The following EMSY variants were observed in gnomAD, a reference collection of about 807,000 sequenced individuals.
The protein encoded by EMSY is BRCA2-interacting transcriptional repressor EMSY.
A neutral mutation model predicts 134.6 loss-of-function variants in EMSY; 26 were observed. The observed-to-expected ratio is 0.19, with a 90% confidence interval of 0.14 to 0.27. The LOEUF (loss-of-function observed/expected upper bound fraction) is 0.27, where lower values mean the gene tolerates loss of function less well. Ranked by LOEUF, EMSY falls within the 10% of genes least tolerant of loss-of-function variation. The pLI, the probability that EMSY is intolerant of heterozygous loss-of-function variation, is 1.00. For synonymous variants in EMSY, 579 were observed against 577.8 expected (o/e 1.00, Z -0.03); for missense variants, 1,305 against 1,611.4 (o/e 0.81, Z 3.26).
chr11:76,535,852 C>G (rs1418388160), intron 14 of EMSY, 43 bp from the exon 16 acceptor site: 3 of 1,263,706 alleles, frequency 2.4e-6, no homozygotes, highest in Non-Finnish European at 3.1e-6. Context: ...TTAAGAGAAA[C>G]TTTGTTTATA....
At chr11:76,552,264 T>C (rs1025960572), downstream of EMSY, 2 of 152,292 alleles carry the variant, frequency 1.3e-5, no homozygotes, top group East Asian at 3.9e-4. Context: ...CCTATCCTTA[T>C]GAAGTTTATA....
chr11:76,515,205 TTG>T (rs1950407612), intron 10 of EMSY, among the ~76,000 whole-genome samples: 1 of 134,586 alleles, frequency 7.4e-6, no homozygotes, highest in East Asian at 2.8e-4. Flanking sequence ...AAGCATTTTT[TTG>T]GGGGGGGGGA....
intron 6 of EMSY, chr11:76,460,835 A>G (rs1948082675): frequency 6.6e-6 from 1 of 152,006 alleles, no homozygotes; most frequent in South Asian, 2.1e-4. Flanking sequence ...CAACAACAAC[A>G]AAAAGTTAGC....
At chr11:76,529,564 A>G (rs1950960633) in intron 14 of EMSY, among the ~76,000 whole-genome samples, 1 of 152,192 alleles carries the variant, frequency 6.6e-6, no homozygotes, top group Non-Finnish European at 1.5e-5. Context: ...ATCTAGATCT[A>G]GAATAGGGGA....
At chr11:76,545,967 C>G (rs772370219) in exon 20 of EMSY, 1 of 1,614,116 alleles carries the variant, frequency 6.2e-7, no homozygotes, top group Non-Finnish European at 8.5e-7. Flanking sequence ...CAGTGTCTGA[C>G]ATTTTGAAAA....
At chr11:76,533,104 T>A (rs1267412671) in intron 14 of EMSY, among the ~76,000 whole-genome samples, 1 of 152,184 alleles carries the variant, frequency 6.6e-6, no homozygotes, top group African/African-American at 2.4e-5. Flanking sequence ...TTGAGCTTTA[T>A]GACAGTGCTT....
intron 18 of EMSY, among the ~76,000 whole-genome samples, chr11:76,542,964 G>C (rs1474131961): frequency 6.6e-6 from 1 of 152,156 alleles, no homozygotes; most frequent in African/African-American, 2.4e-5. Context: ...TTGATTTTGT[G>C]TCGGATACTG....
chr11:76,454,614 G>A (rs1175489341), intron 4 of EMSY, 135 bp from the exon 5 acceptor site: 2 of 522,712 alleles, frequency 3.8e-6, no homozygotes, highest in Non-Finnish European at 6.6e-6. Flanking sequence ...GCATTCAGAG[G>A]CACTTAGAAA....
At chr11:76,527,926 G>A (rs983470659) in intron 13 of EMSY, among the ~76,000 whole-genome samples, 2 of 152,036 alleles carry the variant, frequency 1.3e-5, no homozygotes, top group Admixed American at 6.6e-5. Flanking sequence ...TAGACTCCTT[G>A]TGTCTTTTTG....
chr11:76,545,748 T>C, intron 19 of EMSY, 49 bp from the exon 21 acceptor site: 1 of 1,535,272 alleles, frequency 6.5e-7, no homozygotes. Flanking sequence ...TGATTAGATT[T>C]TCTCAAAGAG....
At chr11:76,544,509 T>C (rs1307008786) in exon 19 of EMSY, 2 of 1,613,956 alleles carry the variant, frequency 1.2e-6, no homozygotes, top group Non-Finnish European at 1.7e-6. Context: ...GCAGACCAGC[T>C]CCAGCACAAA....
chr11:76,452,198 A>G (rs1278018157), intron 3 of EMSY, among the ~76,000 whole-genome samples: 2 of 152,176 alleles, frequency 1.3e-5, no homozygotes, highest in African/African-American at 4.8e-5. Context: ...ACTCTTCAGA[A>G]AGACTTGAAG....
At chr11:76,515,853 G>A (rs1441897200) in intron 10 of EMSY, among the ~76,000 whole-genome samples, 3 of 152,168 alleles carry the variant, frequency 2.0e-5, no homozygotes, top group Non-Finnish European at 4.4e-5. Flanking sequence ...TAGAAGAAGG[G>A]TAGTGGAAGA....
chr11:76,526,052 A>C (rs1565347727), intron 12 of EMSY, among the ~76,000 whole-genome samples: 1 of 152,184 alleles, frequency 6.6e-6, no homozygotes, highest in Non-Finnish European at 1.5e-5. Context: ...TACTTATTTC[A>C]GATAAATTAG....
At chr11:76,504,395 A>C (rs1949994865) in intron 9 of EMSY, among the ~76,000 whole-genome samples, 1 of 151,964 alleles carries the variant, frequency 6.6e-6, no homozygotes, top group African/African-American at 2.4e-5. Context: ...TTCTTCAGGG[A>C]AAATATATAA....
chr11:76,520,012 G>A (rs1286908244), intron 11 of EMSY, among the ~76,000 whole-genome samples: 4 of 152,036 alleles, frequency 2.6e-5, no homozygotes, highest in African/African-American at 9.7e-5. Flanking sequence ...TAATTTTGCT[G>A]TAACATGGGA....
intron 8 of EMSY, among the ~76,000 whole-genome samples, chr11:76,484,812 T>A (rs2135557124): frequency 6.6e-6 from 1 of 151,782 alleles, no homozygotes; most frequent in South Asian, 2.1e-4. Context: ...CACATGCCTG[T>A]AATCCCTGCT....
intron 8 of EMSY, among the ~76,000 whole-genome samples, chr11:76,493,449 G>A (rs1360763180): frequency 6.6e-6 from 1 of 152,216 alleles, no homozygotes; most frequent in East Asian, 1.9e-4. Context: ...CTGAAGCATG[G>A]GGTCTGGGCT....
chr11:76,465,264 A>G (rs1426155951), intron 7 of EMSY, among the ~76,000 whole-genome samples: 1 of 152,134 alleles, frequency 6.6e-6, no homozygotes, highest in Non-Finnish European at 1.5e-5. Context: ...TTCCTACTCT[A>G]ATATAATGGA....
Sources: allele counts gnomAD v4.1 joint callset (sites outside exome capture counted in the v4.1 genomes callset), GRCh38; gene constraint gnomAD v4.1.1; transcripts MANE v1.5; gene names NCBI Gene and HGNC (gene_info 2026-07-23, HGNC 2026-07-21).